The following ERBIN variants were observed in gnomAD, a reference collection of about 807,000 sequenced individuals.
ERBIN encodes the protein erbb2 interacting protein.
In ERBIN, 60 loss-of-function variants were observed where a neutral mutation model predicts 158.4. The observed-to-expected ratio is 0.38, with a 90% CI of 0.31 to 0.47. The LOEUF (loss-of-function observed/expected upper bound fraction) is 0.47. Ranked by LOEUF, ERBIN falls within the 20% of genes least tolerant of loss-of-function variation. The pLI is 0.99. For synonymous variants in ERBIN, 594 were observed against 557.2 expected, an observed-to-expected ratio of 1.07 and a Z score of -0.93; for missense variants, 1,610 against 1,648.0, an observed-to-expected ratio of 0.98 and a Z score of 0.40.
In ERBIN at chr5:66,080,440, T is replaced by G. The variant is rs1046460147; in HGVS notation, c.*1910T>G. On this transcript the variant is annotated 3_prime_UTR_variant, in exon 26 of 26. Transcript: ENST00000284037. ...GATATAGTAGAAGAAATGTGCTGTA[T>G]TTTGATAAAATTCACTTATTGTATG... is the stretch of plus-strand genomic sequence containing the variant. 2 of 152,310 alleles carry G rather than the reference T, an allele frequency of 1.3e-5. No homozygotes were observed. The highest frequency in any genetic ancestry group is 4.8e-5 in the African/African-American group (2 of 41,394). 9.4% of individuals were successfully genotyped at this position (152,310 alleles called of 1,614,324 possible). A position where few individuals can be genotyped will look rare whatever the true frequency, so the allele number is the denominator to read the frequency against.
At chr5:66,016,803 C>T (rs1172280498) in intron 7 of ERBIN, among the ~76,000 whole-genome samples, 4 of 151,906 alleles carry the variant, frequency 2.6e-5, no homozygotes, top group East Asian at 1.9e-4. Flanking sequence ...TTAGTAGAGA[C>T]GGGGTTTTGC....
At chr5:65,968,698 C>T (rs1748930016) in intron 1 of ERBIN, among the ~76,000 whole-genome samples, 1 of 152,082 alleles carries the variant, frequency 6.6e-6, no homozygotes, top group African/African-American at 2.4e-5. Context: ...GTAGCTGGGA[C>T]TACAAGCGCC....
At chr5:65,946,489 A>G (rs1273326796) in intron 1 of ERBIN, among the ~76,000 whole-genome samples, 1 of 152,242 alleles carries the variant, frequency 6.6e-6, no homozygotes, top group Non-Finnish European at 1.5e-5. Context: ...TTTATTGAGT[A>G]GTACTCCATG....
rs1239322857 is a variant in ERBIN, at chr5:65,973,519, G to A, written c.-57-15116G>A. Among the ~76,000 whole-genome samples the A allele has an allele frequency of 4.6e-5, 7 of 151,292 alleles. No individual in the cohort carries two copies. In the South Asian group the frequency reaches 1.2e-3, roughly 27 times the overall value. On this transcript the variant is annotated intron_variant, in intron 1 of 25. Coordinates refer to ENST00000284037, the MANE Select transcript of ERBIN (RefSeq NM_001253697.2). ...GGGACCGGAAGAAATAACTAATGGT[G>A]GAATTTCATGCACTCTGGCACTCAC...
chr5:66,076,486 C>T lies in ERBIN; in HGVS notation c.4056+78C>T, dbSNP rs1026882432. ...TGAATACTTAAATGTAAGTGAAAAT[C>T]TAATAGATGTTTATGTAAATCTAGG... On this transcript the variant is annotated intron_variant, in intron 24 of 25. Coordinates refer to ENST00000284037, the MANE Select transcript of ERBIN (RefSeq NM_001253697.2). The T allele has an allele frequency of 2.8e-6, 3 of 1,082,476 alleles. No homozygotes were observed. The Admixed American group carries it at 6.2e-5, about 22-fold the overall frequency. The allele number at this position is 1,082,476 out of a possible 1,614,324, so 67.1% of individuals were successfully genotyped here.
At chr5:66,032,828 A>G (rs887283700) in intron 14 of ERBIN, among the ~76,000 whole-genome samples, 23 of 152,230 alleles carry the variant, frequency 1.5e-4, no homozygotes, top group Admixed American at 1.3e-4. Context: ...GCATGAAGCA[A>G]TGCATGTATG....
intron 13 of ERBIN, 54 bp downstream of exon 13, chr5:66,026,471 A>G (rs1554060388): frequency 3.2e-6 from 3 of 945,506 alleles, no homozygotes. Context: ...GTTAGATGAA[A>G]TTAAGTTTCA....
chr5:66,015,945 A>G (rs963494524), intron 7 of ERBIN, among the ~76,000 whole-genome samples: 2 of 152,180 alleles, frequency 1.3e-5, no homozygotes, highest in South Asian at 4.1e-4. Context: ...TATCTGTTAC[A>G]GTATTTGCTG....
chr5:65,979,499 T>C (rs1561325203), intron 1 of ERBIN, among the ~76,000 whole-genome samples: 1 of 152,160 alleles, frequency 6.6e-6, no homozygotes, highest in Non-Finnish European at 1.5e-5. Context: ...TAGAATATTA[T>C]AAAATATATG....
At chr5:66,077,037 T>G in intron 25 of ERBIN, 88 bp downstream of exon 25, 1 of 1,024,968 alleles carries the variant, frequency 9.8e-7, no homozygotes, top group South Asian at 1.5e-5. Context: ...CTTTGAAAAT[T>G]GTGGGTGGGA....
intron 1 of ERBIN, among the ~76,000 whole-genome samples, chr5:65,975,161 C>T (rs771941477): frequency 5.7e-5 from 8 of 140,698 alleles, no homozygotes; most frequent in East Asian, 1.9e-4. Flanking sequence ...GCATGTGCCA[C>T]GATGCCCAGC....
At chr5:66,065,343 A>G (rs1278892074) in intron 21 of ERBIN, among the ~76,000 whole-genome samples, 2 of 131,558 alleles carry the variant, frequency 1.5e-5, no homozygotes, top group East Asian at 2.1e-4. Context: ...GCCCATTCCA[A>G]TTCAGTGATA....
At chr5:65,954,443 G>T (rs988618779) in intron 1 of ERBIN, among the ~76,000 whole-genome samples, 2 of 152,164 alleles carry the variant, frequency 1.3e-5, no homozygotes, top group African/African-American at 4.8e-5. Flanking sequence ...AGAGCCCTTT[G>T]TTCCATGTAA....
chr5:65,989,766 T>C (rs1751670072), intron 2 of ERBIN, among the ~76,000 whole-genome samples: 1 of 152,212 alleles, frequency 6.6e-6, no homozygotes, highest in South Asian at 2.1e-4. Context: ...TTTTATTTGA[T>C]TTAGCTTTTA....
At chr5:66,059,343 G>A (rs893369840) in intron 21 of ERBIN, among the ~76,000 whole-genome samples, 2 of 152,004 alleles carry the variant, frequency 1.3e-5, no homozygotes, top group African/African-American at 4.8e-5. Flanking sequence ...CTGTTTGTCT[G>A]TTATTGGTGT....
Position 66,043,723 on chromosome 5 carries a change from G to T in ERBIN, c.1429-414G>T, listed in dbSNP as rs575672588. On this transcript the variant is annotated intron_variant, in intron 16 of 25. Coordinates refer to ENST00000284037, the MANE Select transcript of ERBIN (RefSeq NM_001253697.2). ...ATTTGCCCCTTATACAAACTTAGCTGAATCTCAGAAAATGACAGGCTGACC... is the reference window on the plus strand; with the variant it reads ...ATTTGCCCCTTATACAAACTTAGCTTAATCTCAGAAAATGACAGGCTGACC... Among the ~76,000 whole-genome samples the T allele has an allele frequency of 2.0e-5, 3 of 152,218 alleles. No individual in the cohort carries two copies. The South Asian group carries it at 6.2e-4, about 32-fold the overall frequency.
intron 21 of ERBIN, chr5:66,069,107 A>G: frequency 8.0e-7 from 1 of 1,256,136 alleles, no homozygotes; most frequent in Non-Finnish European, 1.0e-6. Context: ...AGGAAAAAAA[A>G]TGTTTACTCT....
chr5:65,992,903 C>T lies in ERBIN; in HGVS notation c.185C>T (p.Pro62Leu). The T allele has an allele frequency of 6.3e-7, 1 of 1,583,402 alleles. No individual in the cohort carries two copies. Among genetic ancestry groups the T allele is most frequent in the Non-Finnish European group, 8.6e-7 (1 of 1,167,704 alleles). ...GATGCTAATCAGATTGAAGAGCTTC[C>T]AAAGGTATGCTAATACTTTCTTTCA... Reference protein sequence around the residue: ...YLDANQIEELPKQLFNCQSLH... With the variant: ...YLDANQIEELLKQLFNCQSLH... Residue 62 changes from proline to leucine, a missense_variant, in exon 3 of 26, where the codon CCA (proline) becomes CTA (leucine). This residue lies in a region of ERBIN where 596 missense variants were observed against 711.9 expected (regional missense o/e 0.84). Coordinates refer to ENST00000284037, the MANE Select transcript of ERBIN (RefSeq NM_001253697.2).
intron 22 of ERBIN, among the ~76,000 whole-genome samples, chr5:66,072,817 C>A (rs1761647253): frequency 6.6e-6 from 1 of 152,142 alleles, no homozygotes; most frequent in South Asian, 2.1e-4. Context: ...ACTATCCTCC[C>A]TCAACTATTT....
Sources: gnomAD v4.1 joint callset for allele counts (sites outside exome capture counted in the v4.1 genomes callset) on GRCh38, gnomAD v4.1.1 for gene constraint, gnomAD v4.1.1 regional missense constraint, MANE v1.5 for transcripts, NCBI Gene and HGNC (gene_info 2026-07-23, HGNC 2026-07-21) for gene names.